The following EFCAB6 variants were observed in gnomAD, a reference collection of about 807,000 sequenced individuals.
EFCAB6 encodes EF-hand calcium binding domain 6.
Under a neutral mutation model 169.8 loss-of-function variants are expected in EFCAB6, and 156 were observed. The observed-to-expected ratio is 0.92, with a 90% CI of 0.81 to 1.05. The LOEUF (loss-of-function observed/expected upper bound fraction) is 1.05. Ranked by LOEUF, EFCAB6 falls within the 50% of genes least tolerant of loss-of-function variation. The pLI is 0.00. For missense variants in EFCAB6, 1,800 were observed against 1,829.1 expected (o/e 0.98, Z 0.29); for synonymous variants, 698 against 676.4 (o/e 1.03, Z -0.50).
At position 43,667,195 on chromosome 22, in the gene EFCAB6, C is replaced by T. The variant is rs753233509; in HGVS notation, c.1892G>A (p.Cys631Tyr). 42 of 1,613,996 alleles carry T rather than the reference C, an allele frequency of 2.6e-5. No homozygotes were observed. Among genetic ancestry groups the T allele is most frequent in the Non-Finnish European group, 3.6e-5 (42 of 1,180,020 alleles). The part of the protein sequence containing the change: ...TEEVIEKFKK[C>Y]IQQQDPAFKK... Reference sequence around the variant, plus strand: ...GAATGCCGGGTCCTGCTGCTGTATACACTTTTTGAATTTTTCAATCACTTC... The same window carrying T: ...GAATGCCGGGTCCTGCTGCTGTATATACTTTTTGAATTTTTCAATCACTTC... Residue 631 changes from cysteine to tyrosine, a missense_variant, in exon 17 of 32, where the codon TGT becomes TAT. Transcript: ENST00000262726.
At position 43,608,592 on chromosome 22, in the gene EFCAB6, T is replaced by C. The variant is rs1165675350; in HGVS notation, c.2571A>G (p.Leu857=). The C allele has an allele frequency of 1.2e-6, 2 of 1,614,160 alleles. No homozygotes were observed. The highest frequency in any genetic ancestry group is 1.7e-6 in the Non-Finnish European group (2 of 1,180,000). Reference sequence around the variant, plus strand: ...TGCCATTGCCCTCATTATCGGTTTCTAGAAAATTCTACAACATCAGAATAC... The same window carrying C: ...TGCCATTGCCCTCATTATCGGTTTCCAGAAAATTCTACAACATCAGAATAC... The part of the protein sequence containing the change: ...NRWSDLSKNF[L]ETDNEGNGIL... Residue 857 remains leucine (L), a synonymous_variant, in exon 22 of 32, where the codon CTA becomes CTG. Coordinates refer to ENST00000262726, the MANE Select transcript of EFCAB6 (RefSeq NM_022785.4).
intron 6 of EFCAB6, among the ~76,000 whole-genome samples, chr22:43,737,443 CAT>C (rs951955785): frequency 4.8e-5 from 7 of 145,524 alleles, no homozygotes; most frequent in African/African-American, 1.3e-4. Context: ...CTCACACACA[CAT>C]ATATTCATAC....
chr22:43,719,353 G>A lies in EFCAB6; in HGVS notation c.758-2381C>T, dbSNP rs766958756. Among the ~76,000 whole-genome samples, 38 of 152,290 alleles carry A rather than the reference G, an allele frequency of 2.5e-4. 1 individual carries two copies. The highest frequency in any genetic ancestry group is 7.9e-4 in the African/African-American group (33 of 41,554). On this transcript the variant is annotated intron_variant, in intron 8 of 31. Coordinates refer to ENST00000262726, the MANE Select transcript of EFCAB6 (RefSeq NM_022785.4). ...AGAAGCAATCCAAAGCTTACAGTGC[G>A]GTTTATGTTCACTGCAGGCGAAAGG... is the stretch of plus-strand genomic sequence containing the variant.
intron 23 of EFCAB6, among the ~76,000 whole-genome samples, chr22:43,598,322 A>AAAAAAAAAAAAAAAC (rs2052204120): frequency 7.7e-6 from 1 of 130,238 alleles, no homozygotes; most frequent in Non-Finnish European, 1.7e-5. Flanking sequence ...AAAAAAAAAA[A>AAAAAAAAAAAAAAAC]AAAAAAAAAA....
intron 5 of EFCAB6, among the ~76,000 whole-genome samples, chr22:43,756,095 C>T (rs1269197952): frequency 6.6e-6 from 1 of 152,176 alleles, no homozygotes; most frequent in Non-Finnish European, 1.5e-5. Context: ...ACAGCTGACA[C>T]TTAATGAGGA....
At chr22:43,564,765 T>C (rs1009402100) in intron 26 of EFCAB6, among the ~76,000 whole-genome samples, 1 of 152,244 alleles carries the variant, frequency 6.6e-6, no homozygotes, top group Non-Finnish European at 1.5e-5. Flanking sequence ...AAGAGCCCTC[T>C]AATATCCTGT....
chr22:43,579,789 A>G (rs1197104083), intron 25 of EFCAB6, among the ~76,000 whole-genome samples: 4 of 129,528 alleles, frequency 3.1e-5, no homozygotes, highest in African/African-American at 5.9e-5. Context: ...CCTACAGGCA[A>G]GCATCATTCC....
At chr22:43,558,887 C>T (rs1294912632) in intron 26 of EFCAB6, among the ~76,000 whole-genome samples, 1 of 152,148 alleles carries the variant, frequency 6.6e-6, no homozygotes, top group Non-Finnish European at 1.5e-5. Context: ...ATTTGCTTTG[C>T]TACGGTCTGG....
At chr22:43,538,933 T>G (rs1421932040) in intron 28 of EFCAB6, among the ~76,000 whole-genome samples, 1 of 152,200 alleles carries the variant, frequency 6.6e-6, no homozygotes, top group Non-Finnish European at 1.5e-5. Flanking sequence ...AGGTGCCCAG[T>G]GGCTCAAGGG....
At chr22:43,593,059 G>C (rs990649684) in intron 23 of EFCAB6, among the ~76,000 whole-genome samples, 1 of 138,686 alleles carries the variant, frequency 7.2e-6, no homozygotes, top group Non-Finnish European at 1.5e-5. Context: ...CAGTATAGAG[G>C]AGGAGGTAAA....
chr22:43,802,618 G>A, intron 2 of EFCAB6: 1 of 476,632 alleles, frequency 2.1e-6, no homozygotes, highest in Non-Finnish European at 4.1e-6. Context: ...CAAAGCCAGA[G>A]CCCAAGCCTA....
intron 18 of EFCAB6, among the ~76,000 whole-genome samples, chr22:43,634,332 C>T (rs61619349): frequency 0.048 from 7,285 of 152,136 alleles, 216 homozygotes; most frequent in African/African-American, 0.082. Context: ...TGGGACCTCT[C>T]TAAGGGGTGG....
rs368750996 is a variant in EFCAB6, at chr22:43,589,183, G to A, written c.3032+891C>T. Among the ~76,000 whole-genome samples the A allele has an allele frequency of 5.3e-5, 8 of 150,000 alleles. No individual in the cohort carries two copies. In the South Asian group the frequency reaches 8.5e-4, roughly 16 times the overall value. On this transcript the variant is annotated intron_variant, in intron 24 of 31. Coordinates refer to ENST00000262726, the MANE Select transcript of EFCAB6 (RefSeq NM_022785.4). ...TGTAATCCCAGTACTTTGGGAGGCC[G>A]AGGTGGGCAGATCACAAGGTCAGGA...
chr22:43,681,441 T>G (rs937677832), intron 12 of EFCAB6, among the ~76,000 whole-genome samples: 12 of 152,200 alleles, frequency 7.9e-5, no homozygotes, highest in Non-Finnish European at 1.6e-4. Flanking sequence ...TTTGCTTGGT[T>G]TTGGTATCAG....
chr22:43,755,717 T>C (rs749488242), intron 6 of EFCAB6, 49 bp downstream of exon 6: 2 of 1,508,612 alleles, frequency 1.3e-6, no homozygotes, highest in South Asian at 2.5e-5. Context: ...CAATTACTGC[T>C]GACAATGGGT....
chr22:43,541,058 C>T (rs1308179419), intron 27 of EFCAB6, among the ~76,000 whole-genome samples: 2 of 152,204 alleles, frequency 1.3e-5, no homozygotes, highest in Non-Finnish European at 2.9e-5. Context: ...GCAACTCCTT[C>T]CAATTTGATT....
chr22:43,628,070 C>G lies in EFCAB6; in HGVS notation c.2233-1391G>C, dbSNP rs2147850711. ...TTGATGATTCCCTCTATACTCTCAG[C>G]CCCAAGCCGCCACCCCCCTGACCCA... is the stretch of plus-strand genomic sequence containing the variant. On this transcript the variant is annotated intron_variant, in intron 19 of 31. Transcript: ENST00000262726. This position sits in a 1 kb window ranked among gnomAD's most constrained non-coding sequence, Gnocchi z 4.8. Among the ~76,000 whole-genome samples, 1 of 152,194 alleles carries G rather than the reference C, an allele frequency of 6.6e-6. No individual in the cohort carries two copies. Among genetic ancestry groups the G allele is most frequent in the East Asian group, 1.9e-4 (1 of 5,174 alleles).
chr22:43,796,852 A>G (rs1211450663), intron 2 of EFCAB6, among the ~76,000 whole-genome samples: 1 of 152,160 alleles, frequency 6.6e-6, no homozygotes, highest in Non-Finnish European at 1.5e-5. Context: ...GGAAATGTGA[A>G]TCTAGGTTCA....
chr22:43,669,499 T>A (rs1408867383), intron 15 of EFCAB6, among the ~76,000 whole-genome samples: 1 of 152,166 alleles, frequency 6.6e-6, no homozygotes, highest in East Asian at 1.9e-4. Flanking sequence ...TCCATTTACA[T>A]AAAGTCCTAG....
Sources: gnomAD v4.1 joint callset for allele counts (sites outside exome capture counted in the v4.1 genomes callset) on GRCh38, gnomAD v4.1.1 for gene constraint, Gnocchi (gnomAD v3.1) non-coding constraint, MANE v1.5 for transcripts, NCBI Gene and HGNC (gene_info 2026-07-23, HGNC 2026-07-21) for gene names.